The following RAPGEF2 variants were observed in gnomAD, a reference collection of about 807,000 sequenced individuals.
The protein encoded by RAPGEF2 is PDZ domain containing guanine nucleotide exchange factor (GEF) 1.
Under a neutral mutation model 186.7 loss-of-function variants are expected in RAPGEF2, and 54 were observed. That is an observed-to-expected ratio of 0.29 (90% CI 0.23 to 0.36). RAPGEF2 has a LOEUF of 0.36. Among genes scored for constraint, RAPGEF2 ranks in the 10% least tolerant of loss-of-function variants. The pLI is 1.00. For synonymous variants in RAPGEF2, 712 were observed against 705.9 expected, an observed-to-expected ratio of 1.01 and a Z score of -0.14; for missense variants, 1,532 against 2,045.0, an observed-to-expected ratio of 0.75 and a Z score of 4.84.
At chr4:159,108,440 A>G (rs1226147277) in intron 1 of RAPGEF2, among the ~76,000 whole-genome samples, 2 of 149,868 alleles carry the variant, frequency 1.3e-5, no homozygotes, top group Non-Finnish European at 3.0e-5. Flanking sequence ...TTTTCTCTCA[A>G]GAAGGAACAT....
intron 4 of RAPGEF2, among the ~76,000 whole-genome samples, chr4:159,231,967 TCATTAAA>T (rs767256074): frequency 1.3e-5 from 2 of 152,226 alleles, no homozygotes; most frequent in Non-Finnish European, 2.9e-5. Flanking sequence ...AGTTTGTCTG[TCATTAAA>T]CATAACTCTT....
At chr4:159,141,824 A>G (rs2111164836) in intron 1 of RAPGEF2, among the ~76,000 whole-genome samples, 1 of 152,320 alleles carries the variant, frequency 6.6e-6, no homozygotes, top group East Asian at 1.9e-4. Context: ...GTTAGTGGCC[A>G]TTATTAAAGA....
In RAPGEF2 at chr4:159,332,534, G is replaced by A; in HGVS notation, c.1972G>A (p.Ala658Thr). The change falls in exon 17 of 30, where the codon GCC becomes ACC. Residue 658 changes from alanine to threonine, a missense_variant. By Grantham distance (58) the Ala-to-Thr change is moderately conservative (BLOSUM62 0). This residue lies in a region of RAPGEF2 where 810 missense variants were observed against 1,210.5 expected (regional missense o/e 0.67). Coordinates refer to ENST00000691494, the MANE Select transcript of RAPGEF2 (RefSeq NM_001394067.2). ...TCCTAAAATTGGTGACATTAAAAAGGCCAGTCGCTACTCCATTCCAGATCT... is the reference window on the plus strand; with the variant it reads ...TCCTAAAATTGGTGACATTAAAAAGACCAGTCGCTACTCCATTCCAGATCT... ...HLPKIGDIKKASRYSIPDLAV... is the reference protein window; with the variant it reads ...HLPKIGDIKKTSRYSIPDLAV... 1 of 1,614,108 alleles carries A rather than the reference G, an allele frequency of 6.2e-7. No homozygotes were observed. Among genetic ancestry groups the A allele is most frequent in the Non-Finnish European group, 8.5e-7 (1 of 1,180,026 alleles).
At chr4:159,105,207 T>G (rs990380949) in intron 1 of RAPGEF2, among the ~76,000 whole-genome samples, 17 of 152,220 alleles carry the variant, frequency 1.1e-4, no homozygotes, top group African/African-American at 3.9e-4. Context: ...GTTGGGATGG[T>G]GACTATAGGA....
intron 3 of RAPGEF2, among the ~76,000 whole-genome samples, chr4:159,195,183 A>C (rs1274302166): frequency 6.6e-6 from 1 of 152,264 alleles, no homozygotes; most frequent in Non-Finnish European, 1.5e-5. Flanking sequence ...TAATGAGAAA[A>C]TTAACAAGAG....
chr4:159,330,747 T>C, intron 13 of RAPGEF2: 1 of 392,378 alleles, frequency 2.5e-6, no homozygotes, highest in Non-Finnish European at 4.5e-6. Context: ...GGCCACCAAA[T>C]GTTTAAACAT....
At chr4:159,121,798 AGGCGGGCGG>A (rs1451899821) in intron 1 of RAPGEF2, among the ~76,000 whole-genome samples, 1 of 151,730 alleles carries the variant, frequency 6.6e-6, no homozygotes, top group Non-Finnish European at 1.5e-5. Flanking sequence ...TGGGAGGCCG[AGGCGGGCGG>A]ATCACAAGGT....
chr4:159,337,889 C>CAAAAAAAAAAAA (rs553291521), intron 17 of RAPGEF2, among the ~76,000 whole-genome samples: 989 of 32,532 alleles, frequency 0.03, 157 homozygotes, highest in Non-Finnish European at 0.065. Context: ...GACTCCATCT[C>CAAAAAAAAAAAA]AAAAAAAAAA....
chr4:159,143,333 GT>G (rs1276242997), intron 1 of RAPGEF2, among the ~76,000 whole-genome samples: 1 of 152,020 alleles, frequency 6.6e-6, no homozygotes, highest in African/African-American at 2.4e-5. Flanking sequence ...CTCTAATTTT[GT>G]TTTTGGTTTA....
intron 26 of RAPGEF2, 160 bp from the exon 27 acceptor site, chr4:159,352,525 T>G (rs1731339441): frequency 1.7e-6 from 1 of 598,428 alleles, no homozygotes; most frequent in South Asian, 2.2e-5. Flanking sequence ...AATAAAACAT[T>G]TGTCTCTTAG....
intron 1 of RAPGEF2, among the ~76,000 whole-genome samples, chr4:159,137,148 T>G (rs1052968417): frequency 6.6e-6 from 1 of 152,248 alleles, no homozygotes; most frequent in Non-Finnish European, 1.5e-5. Flanking sequence ...TTAAGAAGTT[T>G]ACTGTATTAG....
intron 9 of RAPGEF2, among the ~76,000 whole-genome samples, chr4:159,321,204 C>CT (rs33926132): frequency 1.2e-3 from 164 of 140,172 alleles, no homozygotes; most frequent in Middle Eastern, 3.7e-3. Context: ...GTCACTGCCA[C>CT]TTTTTTTTTT....
chr4:159,182,417 A>G (rs1164000820), intron 1 of RAPGEF2, among the ~76,000 whole-genome samples: 2 of 95,506 alleles, frequency 2.1e-5, no homozygotes, highest in Non-Finnish European at 4.0e-5. Flanking sequence ...TTTTTTTGAT[A>G]CAGAGTCTCA....
chr4:159,190,453 G>A (rs1747999852), intron 2 of RAPGEF2, among the ~76,000 whole-genome samples: 1 of 152,210 alleles, frequency 6.6e-6, no homozygotes, highest in South Asian at 2.1e-4. Context: ...TCTGGAGGAT[G>A]TATTTTGGAA....
At chr4:159,142,641 T>C (rs969650016) in intron 1 of RAPGEF2, among the ~76,000 whole-genome samples, 5 of 151,900 alleles carry the variant, frequency 3.3e-5, no homozygotes, top group Admixed American at 6.6e-5. Context: ...GAAATAAAAA[T>C]ATATGTTTTA....
At chr4:159,342,253 A>C (rs943656787) in intron 20 of RAPGEF2, among the ~76,000 whole-genome samples, 2 of 152,062 alleles carry the variant, frequency 1.3e-5, no homozygotes, top group African/African-American at 2.4e-5. Context: ...GTTTGTTTCA[A>C]CTTTTCTCAA....
chr4:159,304,526 T>A, intron 8 of RAPGEF2, 53 bp downstream of exon 8: 1 of 1,518,256 alleles, frequency 6.6e-7, no homozygotes, highest in Non-Finnish European at 9.1e-7. Flanking sequence ...TTCCAAGAAA[T>A]TTTAAGGTTC....
intron 4 of RAPGEF2, among the ~76,000 whole-genome samples, chr4:159,214,107 G>T (rs7699044): frequency 0.33 from 50,207 of 152,020 alleles, 8,556 homozygotes; most frequent in Non-Finnish European, 0.37. Flanking sequence ...TGCTATCAAA[G>T]GTAATTTAAG....
intron 1 of RAPGEF2, among the ~76,000 whole-genome samples, chr4:159,129,095 A>G (rs954079259): frequency 6.6e-6 from 1 of 151,676 alleles, no homozygotes; most frequent in African/African-American, 2.4e-5. Flanking sequence ...GAATGCTGCT[A>G]TGTGATCTTA....
Sources: allele counts gnomAD v4.1 joint callset (sites outside exome capture counted in the v4.1 genomes callset), GRCh38; gene constraint gnomAD v4.1.1; regional missense constraint gnomAD v4.1.1; transcripts MANE v1.5; gene names NCBI Gene and HGNC (gene_info 2026-07-23, HGNC 2026-07-21).